OR6C74: variants seen among roughly 807,000 people sequenced by gnomAD.
OR6C74 encodes the protein olfactory receptor family 6 subfamily C member 74.
For synonymous variants in OR6C74, 142 were observed against 134.2 expected (o/e 1.06, Z -0.40); for missense variants, 361 against 362.9 (o/e 0.99, Z 0.04).
In OR6C74 at chr12:55,247,569, T is replaced by C; in HGVS notation, c.282T>C (p.Asp94=). 1 of 1,613,580 alleles carries C rather than the reference T, an allele frequency of 6.2e-7. No individual in the cohort carries two copies. Among genetic ancestry groups the C allele is most frequent in the Non-Finnish European group, 8.5e-7 (1 of 1,179,806 alleles). ...ATGDKTISYN[D]CAAQLFFTIL... is the part of the protein sequence containing the mutation. ...GTGATAAGACCATTTCTTACAACGA[T>C]TGTGCAGCACAGCTGTTTTTCACTA... The change falls in exon 2 of 2, where the codon GAT becomes GAC. Residue 94 remains aspartate (D), a synonymous_variant. Coordinates refer to ENST00000343399, the MANE Select transcript of OR6C74 (RefSeq NM_001005490.2).
At position 55,250,581 on chromosome 12, in the gene OR6C74, A is replaced by G. The variant is rs11611990; in HGVS notation, c.*2355A>G. On this transcript the variant is annotated 3_prime_UTR_variant, in exon 2 of 2. Coordinates refer to ENST00000343399, the MANE Select transcript of OR6C74 (RefSeq NM_001005490.2). ...AAATAAATCACTAGCAATCTGATTT[A>G]TTGTGTAAATACCAGAGATCAGGGT... is the stretch of plus-strand genomic sequence containing the variant. Among the ~76,000 whole-genome samples the G allele has an allele frequency of 0.054, 8,205 of 152,148 alleles. 333 individuals are homozygous for G. The highest frequency in any genetic ancestry group is 0.11 in the Middle Eastern group (32 of 294).
Position 55,256,416 on chromosome 12 carries a change from A to C in OR6C74, c.*8190A>C, listed in dbSNP as rs1370776097. Among the ~76,000 whole-genome samples, 6 of 151,890 alleles carry C rather than the reference A, an allele frequency of 4.0e-5. No individual in the cohort carries two copies. Among genetic ancestry groups the C allele is most frequent in the African/African-American group, 1.5e-4 (6 of 41,348 alleles). On this transcript the variant is annotated 3_prime_UTR_variant, in exon 2 of 2. Transcript: ENST00000343399. ...CTAGCTTCACCTCCTGTTTCTATGG[A>C]TTGTTTGTAACCAGCTTTTGCTGCA...
chr12:55,250,517 T>C lies in OR6C74; in HGVS notation c.*2291T>C, dbSNP rs1392481918. On this transcript the variant is annotated 3_prime_UTR_variant, in exon 2 of 2. Coordinates refer to ENST00000343399, the MANE Select transcript of OR6C74 (RefSeq NM_001005490.2). The stretch of plus-strand genomic sequence containing the variant: ...AAGAAACCCTAGGCCTAAGTTACGA[T>C]GGGAAAAGATTAGTGAAGATCATTT... Among the ~76,000 whole-genome samples the C allele has an allele frequency of 1.3e-5, 2 of 152,046 alleles. No homozygotes were observed. Among genetic ancestry groups the C allele is most frequent in the African/African-American group, 2.4e-5 (1 of 41,428 alleles).
Position 55,252,879 on chromosome 12 carries a change from A to T in OR6C74, c.*4653A>T, listed in dbSNP as rs1046482729. The stretch of plus-strand genomic sequence containing the variant: ...GATTCTGTATCTGATACAAGTTTTT[A>T]AATTATTACTTAGCATATCATCATA... On this transcript the variant is annotated 3_prime_UTR_variant, in exon 2 of 2. Transcript: ENST00000343399. 2.0e-5 allele frequency among the ~76,000 whole-genome samples: 3 copies of T among 152,076 alleles called. No individual in the cohort carries two copies. The East Asian group carries it at 5.8e-4, about 29-fold the overall frequency.
Position 55,255,283 on chromosome 12 carries a change from C to T in OR6C74, c.*7057C>T, listed in dbSNP as rs764230139. ...CCTGGGGACTGGGAGGCAAAGGGAACGAGGAAACAACAGATGTTGGTGAGG... is the reference window on the plus strand; with the variant it reads ...CCTGGGGACTGGGAGGCAAAGGGAATGAGGAAACAACAGATGTTGGTGAGG... On this transcript the variant is annotated 3_prime_UTR_variant, in exon 2 of 2. Transcript: ENST00000343399. Among the ~76,000 whole-genome samples, 5 of 152,044 alleles carry T rather than the reference C, an allele frequency of 3.3e-5. No homozygotes were observed. Among genetic ancestry groups the T allele is most frequent in the African/African-American group, 4.8e-5 (2 of 41,510 alleles).
chr12:55,245,246 C>A (rs923763113), intron 1 of OR6C74, among the ~76,000 whole-genome samples: 1 of 151,964 alleles, frequency 6.6e-6, no homozygotes, highest in Admixed American at 6.6e-5. Flanking sequence ...CTTGCAGATG[C>A]CTAGTTTTGA....
At chr12:55,246,152 C>T (rs759797737) in intron 1 of OR6C74, among the ~76,000 whole-genome samples, 36 of 151,796 alleles carry the variant, frequency 2.4e-4, no homozygotes, top group Non-Finnish European at 4.6e-4. Context: ...AACGTGAGGA[C>T]CTAAGCATGG....
At position 55,251,967 on chromosome 12, in the gene OR6C74, G is replaced by A. The variant is rs56224160; in HGVS notation, c.*3741G>A. Among the ~76,000 whole-genome samples, 47,633 of 150,216 alleles carry A rather than the reference G, an allele frequency of 0.32. 7,729 individuals carry two copies. The highest frequency in any genetic ancestry group is 0.39 in the Middle Eastern group (105 of 272). ...TGGACTTGCTTTTCTTTTTATAAGT[G>A]TAAGTGTGCAACTGGTGTTTATCAA... On this transcript the variant is annotated 3_prime_UTR_variant, in exon 2 of 2. Transcript: ENST00000343399.
chr12:55,253,615 A>G lies in OR6C74; in HGVS notation c.*5389A>G, dbSNP rs1739046462. On this transcript the variant is annotated 3_prime_UTR_variant, in exon 2 of 2. Coordinates refer to ENST00000343399, the MANE Select transcript of OR6C74 (RefSeq NM_001005490.2). ...AATGTCTCTGACTCCAATTTCTTCC[A>G]CTCTTATAAGTAAACACACTGGCAT... Among the ~76,000 whole-genome samples, 1 of 151,938 alleles carries G rather than the reference A, an allele frequency of 6.6e-6. No individual in the cohort carries two copies. Among genetic ancestry groups the G allele is most frequent in the Non-Finnish European group, 1.5e-5 (1 of 67,940 alleles).
Position 55,248,096 on chromosome 12 carries a change from A to T in OR6C74, c.809A>T (p.Lys270Ile). 6.2e-7 allele frequency: 1 copy of T among 1,614,014 alleles called. No individual in the cohort carries two copies. Among genetic ancestry groups the T allele is most frequent in the Non-Finnish European group, 8.5e-7 (1 of 1,179,932 alleles). ...PSAKERVSLN[K>I]GIALLSTSVA... Reference sequence around the variant, plus strand: ...GCAAAAGAAAGAGTGTCATTAAATAAAGGGATAGCTCTGCTCAGCACTTCT... The same window carrying T: ...GCAAAAGAAAGAGTGTCATTAAATATAGGGATAGCTCTGCTCAGCACTTCT... Residue 270 changes from lysine to isoleucine, a missense_variant, in exon 2 of 2, where the codon AAA becomes ATA. Physicochemically the swap from Lys to Ile is moderately radical, Grantham distance 102. Transcript: ENST00000343399.
chr12:55,245,166 T>A (rs1954262884), intron 1 of OR6C74, among the ~76,000 whole-genome samples: 1 of 152,126 alleles, frequency 6.6e-6, no homozygotes. Flanking sequence ...AAAGCAAACA[T>A]TAAGCTAACC....
rs753443839 is a variant in OR6C74 at position 55,247,457 on chromosome 12, T to C, written c.170T>C (p.Met57Thr). ...TLLDLHLKTPMYFFLRNFSFL... is the reference protein window; with the variant it reads ...TLLDLHLKTPTYFFLRNFSFL... ...CTGGATTTGCATCTCAAGACACCCATGTATTTCTTCCTCCGAAATTTCTCA... is the reference window on the plus strand; with the variant it reads ...CTGGATTTGCATCTCAAGACACCCACGTATTTCTTCCTCCGAAATTTCTCA... Residue 57 changes from methionine (M) to threonine (T), a missense_variant, in exon 2 of 2, where the codon ATG becomes ACG. Coordinates refer to ENST00000343399, the MANE Select transcript of OR6C74 (RefSeq NM_001005490.2). 6 of 1,613,994 alleles carry C rather than the reference T, an allele frequency of 3.7e-6. No homozygotes were observed. Among genetic ancestry groups the C allele is most frequent in the Non-Finnish European group, 4.2e-6 (5 of 1,179,892 alleles).
At chr12:55,247,107 T>G in intron 1 of OR6C74, 172 bp from the exon 2 acceptor site, 1 of 483,018 alleles carries the variant, frequency 2.1e-6, no homozygotes. Flanking sequence ...AAAAGTTGCA[T>G]GTATTTAGCA....
chr12:55,246,405 G>C (rs1160999322), intron 1 of OR6C74, among the ~76,000 whole-genome samples: 1 of 152,172 alleles, frequency 6.6e-6, no homozygotes, highest in Non-Finnish European at 1.5e-5. Flanking sequence ...CCAGGCTGGA[G>C]TGCAGTGGCA....
chr12:55,248,328 T>G lies in OR6C74; in HGVS notation c.*102T>G. On this transcript the variant is annotated 3_prime_UTR_variant, in exon 2 of 2. Coordinates refer to ENST00000343399, the MANE Select transcript of OR6C74 (RefSeq NM_001005490.2). ...TTTGTATTCAATAATATTACCTCTT[T>G]TTTGACTTATAATTTTCATTATGGC... is the stretch of plus-strand genomic sequence containing the variant. 1.4e-6 allele frequency: 1 copy of G among 700,126 alleles called. No individual in the cohort carries two copies. Among genetic ancestry groups the G allele is most frequent in the Non-Finnish European group, 2.3e-6 (1 of 431,082 alleles). 43.4% of individuals were successfully genotyped at this position (700,126 alleles called of 1,614,324 possible).
rs1366041619 is a variant in OR6C74, at chr12:55,251,861, C to T, written c.*3635C>T. Among the ~76,000 whole-genome samples the T allele has an allele frequency of 6.6e-6, 1 of 151,560 alleles. No homozygotes were observed. Among genetic ancestry groups the T allele is most frequent in the Non-Finnish European group, 1.5e-5 (1 of 67,748 alleles). On this transcript the variant is annotated 3_prime_UTR_variant, in exon 2 of 2. Coordinates refer to ENST00000343399, the MANE Select transcript of OR6C74 (RefSeq NM_001005490.2). Reference sequence around the variant, plus strand: ...GAGAAAATATTTAGGGTACTAATGACATGGAGCTTGAGAAAAAATTGCTTA... The same window carrying T: ...GAGAAAATATTTAGGGTACTAATGATATGGAGCTTGAGAAAAAATTGCTTA...
rs1954277164 is a variant in OR6C74 at position 55,247,360 on chromosome 12, A to G, written c.73A>G (p.Ile25Val). ...AGATGATCCACAATTACAGGTGATT[A>G]TTTTTCTTCTCCTTTTTTTCACCTA... ...LTDDPQLQVI[I>V]FLLLFFTYML... The change falls in exon 2 of 2, where the codon ATT becomes GTT. Residue 25 changes from isoleucine (I) to valine (V), a missense_variant. Transcript: ENST00000343399. 6.2e-7 allele frequency: 1 copy of G among 1,612,716 alleles called. No homozygotes were observed. Among genetic ancestry groups the G allele is most frequent in the African/African-American group, 1.3e-5 (1 of 74,948 alleles).
Position 55,255,658 on chromosome 12 carries a change from G to A in OR6C74, c.*7432G>A, listed in dbSNP as rs977000589. The stretch of plus-strand genomic sequence containing the variant: ...AGTTCATATCCTTTGCAGGGACATG[G>A]ATGATGCTGGAAACTATCATTCTCA... On this transcript the variant is annotated 3_prime_UTR_variant, in exon 2 of 2. Coordinates refer to ENST00000343399, the MANE Select transcript of OR6C74 (RefSeq NM_001005490.2). Among the ~76,000 whole-genome samples the A allele has an allele frequency of 6.6e-6, 1 of 152,122 alleles. No individual in the cohort carries two copies. The highest frequency in any genetic ancestry group is 2.4e-5 in the African/African-American group (1 of 41,418).
Position 55,247,788 on chromosome 12 carries a change from T to G in OR6C74, c.501T>G (p.Cys167Trp), listed in dbSNP as rs1436756327. 6.2e-7 allele frequency: 1 copy of G among 1,614,056 alleles called. No individual in the cohort carries two copies. Residue 167 changes from cysteine to tryptophan, a missense_variant, in exon 2 of 2, where the codon TGT (cysteine) becomes TGG (tryptophan). Transcript: ENST00000343399. ...PLLMGLQLDF[C>W]AANTVDHFFC... ...TGATGGGTCTCCAGCTTGATTTCTG[T>G]GCAGCCAACACTGTAGATCATTTCT...
Sources: gnomAD v4.1 joint callset for allele counts (sites outside exome capture counted in the v4.1 genomes callset) on GRCh38, gnomAD v4.1.1 for gene constraint, MANE v1.5 for transcripts, NCBI Gene and HGNC (gene_info 2026-07-23, HGNC 2026-07-21) for gene names.